The following ACOXL variants were observed in gnomAD, a reference collection of about 807,000 sequenced individuals.
ACOXL encodes the protein acyl-coenzyme A oxidase-like protein.
Under a neutral mutation model 71.9 loss-of-function variants are expected in ACOXL, and 70 were observed. That is an observed-to-expected ratio of 0.97 (90% confidence interval 0.80 to 1.19). The LOEUF is 1.19. Among genes scored for constraint, ACOXL ranks in the 50% most tolerant of loss-of-function variants. The pLI, the probability that ACOXL is intolerant of heterozygous loss-of-function variation, is 0.00. For synonymous variants in ACOXL, 253 were observed against 281.6 expected, an observed-to-expected ratio of 0.90 and a Z score of 1.02; for missense variants, 703 against 736.3, an observed-to-expected ratio of 0.95 and a Z score of 0.52.
intron 10 of ACOXL, among the ~76,000 whole-genome samples, chr2:110,877,666 A>G (rs570712101): frequency 6.6e-6 from 1 of 152,076 alleles, no homozygotes; most frequent in South Asian, 2.1e-4. Flanking sequence ...ATGTTATCTC[A>G]AAGTTACAAA....
At chr2:110,993,531 A>G (rs1406182624) in intron 13 of ACOXL, among the ~76,000 whole-genome samples, 1 of 152,330 alleles carries the variant, frequency 6.6e-6, no homozygotes, top group Non-Finnish European at 1.5e-5. Context: ...TCTCTTATGG[A>G]TGAATAGACA....
intron 12 of ACOXL, among the ~76,000 whole-genome samples, chr2:110,955,190 A>G (rs960852614): frequency 6.6e-6 from 1 of 152,086 alleles, no homozygotes; most frequent in Non-Finnish European, 1.5e-5. Flanking sequence ...ATTGTTTTCC[A>G]TGTTCTTTGC....
chr2:110,994,426 T>G (rs1401878279), intron 13 of ACOXL, among the ~76,000 whole-genome samples: 4 of 142,624 alleles, frequency 2.8e-5, no homozygotes, highest in African/African-American at 8.1e-5. Context: ...GCCTTCTGAT[T>G]GAGCAACAAC....
chr2:111,037,043 G>A (rs1019461425), intron 15 of ACOXL: 1 of 152,206 alleles, frequency 6.6e-6, no homozygotes, highest in East Asian at 1.9e-4. Context: ...TTGGCCAAGA[G>A]ACATGGGAAG....
At chr2:110,791,611 G>A (rs560012320) in intron 3 of ACOXL, among the ~76,000 whole-genome samples, 9 of 152,264 alleles carry the variant, frequency 5.9e-5, no homozygotes, top group African/African-American at 1.9e-4. Flanking sequence ...GAGTCTTCAG[G>A]GTGTGAATCA....
chr2:111,049,373 A>T, intron 16 of ACOXL, 85 bp downstream of exon 16: 1 of 1,073,488 alleles, frequency 9.3e-7, no homozygotes. Flanking sequence ...TACAAGCGGG[A>T]GTAAATTTAT....
At chr2:110,868,809 A>G (rs1334987414) in intron 10 of ACOXL, among the ~76,000 whole-genome samples, 1 of 152,148 alleles carries the variant, frequency 6.6e-6, no homozygotes, top group Non-Finnish European at 1.5e-5. Flanking sequence ...CAGGCTGGTC[A>G]TGAATTCCTG....
At chr2:110,857,998 T>G (rs1420222409) in intron 10 of ACOXL, among the ~76,000 whole-genome samples, 1 of 152,204 alleles carries the variant, frequency 6.6e-6, no homozygotes, top group Non-Finnish European at 1.5e-5. Context: ...AGTGCTGGGA[T>G]TACAGATGTG....
chr2:111,061,641 T>C (rs2066819639), intron 16 of ACOXL, among the ~76,000 whole-genome samples: 1 of 152,118 alleles, frequency 6.6e-6, no homozygotes, highest in South Asian at 2.1e-4. Flanking sequence ...GTTTGATAAT[T>C]GAAGTGAAAA....
intron 16 of ACOXL, among the ~76,000 whole-genome samples, chr2:111,091,776 C>T (rs1230828575): frequency 6.6e-6 from 1 of 152,154 alleles, no homozygotes; most frequent in African/African-American, 2.4e-5. Flanking sequence ...ATAAGCTGCT[C>T]AGCCATACTG....
intron 1 of ACOXL, among the ~76,000 whole-genome samples, chr2:110,741,489 T>G (rs61637608): frequency 0.047 from 7,177 of 152,266 alleles, 250 homozygotes; most frequent in African/African-American, 0.084. Flanking sequence ...CGGGGGACAC[T>G]ATTCAGCTTG....
rs867318521 is a variant in ACOXL, at chr2:111,117,707, C to T, written c.1634C>T (p.Ala545Val). 15 of 1,551,784 alleles carry T rather than the reference C, an allele frequency of 9.7e-6. 1 individual carries two copies. In the Middle Eastern group the frequency reaches 2.5e-3, roughly 259 times the overall value. Residue 545 changes from alanine (A) to valine (V), a missense_variant, in exon 18 of 18, where the codon GCC (alanine) becomes GTC (valine). Ala to Val is a moderately conservative substitution (Grantham distance 64). Coordinates refer to ENST00000439055, the MANE Select transcript of ACOXL (RefSeq NM_001142807.4). Reference sequence around the variant, plus strand: ...CACACCTACCTCCACGCACCAATCGCCGGAATCTCCAACCCGCGGGCCGCG... The same window carrying T: ...CACACCTACCTCCACGCACCAATCGTCGGAATCTCCAACCCGCGGGCCGCG... ...IPHTYLHAPI[A>V]GISNPRAAWA...
intron 7 of ACOXL, among the ~76,000 whole-genome samples, chr2:110,799,448 C>T (rs998133396): frequency 2.0e-4 from 31 of 152,168 alleles, no homozygotes; most frequent in African/African-American, 7.5e-4. Context: ...CCCTGGCCAC[C>T]TGTCTGCTCT....
intron 12 of ACOXL, chr2:110,968,093 G>A: frequency 7.6e-7 from 1 of 1,317,086 alleles, no homozygotes; most frequent in Non-Finnish European, 1.1e-6. Context: ...CCAAAATATG[G>A]TGTGAAGGTT....
intron 10 of ACOXL, among the ~76,000 whole-genome samples, chr2:110,881,730 C>T (rs1696675391): frequency 1.3e-5 from 2 of 152,252 alleles, no homozygotes; most frequent in Non-Finnish European, 1.5e-5. Context: ...TGGAAGAATA[C>T]AGTATATACT....
intron 10 of ACOXL, among the ~76,000 whole-genome samples, chr2:110,867,771 T>G (rs1030227088): frequency 6.7e-6 from 1 of 148,790 alleles, no homozygotes; most frequent in South Asian, 2.1e-4. Flanking sequence ...CAAAAATTGC[T>G]TTTTTTTTTG....
At chr2:110,775,060 C>T (rs1041649587) in intron 2 of ACOXL, among the ~76,000 whole-genome samples, 4 of 152,204 alleles carry the variant, frequency 2.6e-5, no homozygotes, top group African/African-American at 9.7e-5. Flanking sequence ...CAAGACCATT[C>T]AGTGAGGAAA....
intron 12 of ACOXL, among the ~76,000 whole-genome samples, chr2:110,980,666 C>T (rs1180855527): frequency 2.6e-5 from 4 of 152,164 alleles, no homozygotes; most frequent in African/African-American, 9.7e-5. Flanking sequence ...CTGACACTGT[C>T]ACTCAGTTCC....
At chr2:110,801,866 T>G in intron 8 of ACOXL, 142 bp downstream of exon 8, 1 of 655,324 alleles carries the variant, frequency 1.5e-6, no homozygotes, top group South Asian at 1.9e-5. Context: ...GACAACTAAT[T>G]GGAAAAGATA....
Sources: gnomAD v4.1 joint callset for allele counts (sites outside exome capture counted in the v4.1 genomes callset) on GRCh38, gnomAD v4.1.1 for gene constraint, MANE v1.5 for transcripts, NCBI Gene and HGNC (gene_info 2026-07-23, HGNC 2026-07-21) for gene names.